TTLL8: variants seen among roughly 807,000 people sequenced by gnomAD.
TTLL8 encodes tubulin tyrosine ligase like 8, also known as protein monoglycylase TTLL8.
In TTLL8, 65 loss-of-function variants were observed where a neutral mutation model predicts 77.8. The observed-to-expected ratio is 0.84, with a 90% CI of 0.68 to 1.03. The LOEUF (loss-of-function observed/expected upper bound fraction) is 1.03, where lower values mean the gene tolerates loss of function less well. TTLL8 is among the 50% of genes least tolerant of loss of function. TTLL8 has a pLI of 0.00. For synonymous variants in TTLL8, 402 were observed against 422.8 expected, an observed-to-expected ratio of 0.95 and a Z score of 0.60; for missense variants, 910 against 1,004.5, an observed-to-expected ratio of 0.91 and a Z score of 1.27.
At chr22:50,052,223 G>C (rs2061447818) in intron 1 of TTLL8, among the ~76,000 whole-genome samples, 1 of 152,186 alleles carries the variant, frequency 6.6e-6, no homozygotes, top group Admixed American at 6.5e-5. Context: ...GGAGAACGGT[G>C]GGGGAGCTGG....
chr22:50,019,688 G>A (rs774053251), intron 12 of TTLL8, among the ~76,000 whole-genome samples: 2 of 152,192 alleles, frequency 1.3e-5, no homozygotes, highest in Non-Finnish European at 2.9e-5. Flanking sequence ...CCGGGACTGA[G>A]CTTCAGAAGC....
At chr22:50,031,924 G>A in exon 11 of TTLL8, 1 of 1,367,014 alleles carries the variant, frequency 7.3e-7, no homozygotes, top group Non-Finnish European at 9.8e-7. Context: ...CACCTTCATG[G>A]CGTGGGCGAT....
intron 9 of TTLL8, among the ~76,000 whole-genome samples, chr22:50,033,773 G>C (rs1244251453): frequency 6.6e-6 from 1 of 152,222 alleles, no homozygotes; most frequent in East Asian, 1.9e-4. Context: ...GGTGGCTTAT[G>C]CCTGTAATCC....
At chr22:50,027,897 G>A (rs566873394) in intron 12 of TTLL8, among the ~76,000 whole-genome samples, 53 of 152,382 alleles carry the variant, frequency 3.5e-4, no homozygotes, top group Non-Finnish European at 8.8e-5. Flanking sequence ...TCGTACGCAC[G>A]GGTTGGAGTT....
At chr22:50,025,123 G>A (rs2061224003) in intron 12 of TTLL8, among the ~76,000 whole-genome samples, 1 of 152,086 alleles carries the variant, frequency 6.6e-6, no homozygotes, top group South Asian at 2.1e-4. Flanking sequence ...AGGAATCACA[G>A]AAGAGCATTT....
chr22:50,022,949 G>A (rs948582415), intron 12 of TTLL8, among the ~76,000 whole-genome samples: 2 of 152,070 alleles, frequency 1.3e-5, no homozygotes, highest in Non-Finnish European at 2.9e-5. Flanking sequence ...CCAGAACCAA[G>A]AGGTGAATTT....
chr22:50,028,553 A>C (rs561363612), intron 12 of TTLL8, among the ~76,000 whole-genome samples: 1 of 152,128 alleles, frequency 6.6e-6, no homozygotes, highest in Admixed American at 6.5e-5. Flanking sequence ...GGGAGGCGGC[A>C]ACACCTGCGT....
intron 12 of TTLL8, 153 bp downstream of exon 13, chr22:50,030,277 T>G: frequency 8.1e-6 from 8 of 982,082 alleles, no homozygotes; most frequent in Non-Finnish European, 9.6e-6. Flanking sequence ...GCTCCCCGGC[T>G]CCCGCCGGCG....
intron 8 of TTLL8, among the ~76,000 whole-genome samples, chr22:50,035,119 G>C (rs1158795149): frequency 6.6e-6 from 1 of 152,190 alleles, no homozygotes; most frequent in Non-Finnish European, 1.5e-5. Context: ...GGATGGATTG[G>C]GGGGAAGCCA....
rs770203837 is a variant in TTLL8 at position 50,032,120 on chromosome 22, G to T, written c.1284-11C>A. On this transcript the variant is annotated splice_polypyrimidine_tract_variant and intron_variant, in intron 10 of 13. Transcript: ENST00000266182. ...CACAGGTGGATGGCGCTGCAGGGGG[G>T]ACGAGGGGCAGGTGCTCAGCCTCCC... The T allele has an allele frequency of 1.5e-6, 2 of 1,346,998 alleles. No individual in the cohort carries two copies. The highest frequency in any genetic ancestry group is 2.0e-6 in the Non-Finnish European group (2 of 1,010,588). 83.4% of individuals were successfully genotyped at this position (1,346,998 alleles called of 1,614,324 possible). A position where few individuals can be genotyped will look rare whatever the true frequency, so the allele number is the denominator to read the frequency against.
At chr22:50,021,870 T>C (rs184714443) in intron 12 of TTLL8, among the ~76,000 whole-genome samples, 1,702 of 137,078 alleles carry the variant, frequency 0.012, 45 homozygotes, top group South Asian at 0.019. Context: ...CTCCATCTGA[T>C]GACATGCACT....
intron 3 of TTLL8, among the ~76,000 whole-genome samples, chr22:50,048,439 C>G (rs890517575): frequency 1.3e-5 from 2 of 152,062 alleles, no homozygotes; most frequent in Non-Finnish European, 2.9e-5. Flanking sequence ...TGGGTGAGGA[C>G]GCAGAGAGAA....
intron 1 of TTLL8, among the ~76,000 whole-genome samples, chr22:50,052,593 C>A (rs1181658762): frequency 5.3e-5 from 8 of 152,110 alleles, no homozygotes; most frequent in Admixed American, 5.2e-4. Context: ...CCATCAAACA[C>A]ATAGGTATAC....
rs762624141 is a variant in TTLL8, at chr22:50,041,626, G to A, written c.825C>T (p.Leu275=). 2.2e-6 allele frequency: 3 copies of A among 1,356,134 alleles called. No individual in the cohort carries two copies. The highest frequency in any genetic ancestry group is 1.1e-5 in the South Asian group (1 of 87,368). The allele number at this position is 1,356,134 out of a possible 1,614,324, so 84.0% of individuals were successfully genotyped here. Residue 275 remains leucine (L), a synonymous_variant, in exon 7 of 14, where the codon CTC becomes CTT. Coordinates refer to ENST00000266182, the Ensembl canonical transcript of TTLL8. The surrounding 1 kb of genome is among the most constrained non-coding windows in gnomAD (Gnocchi z 4.3). The stretch of plus-strand genomic sequence containing the variant: ...GGGGCCTGCGTAAGTCTTACTGAAC[G>A]AGGGAGTAGTACTGCTGGGTCAGGT...
chr22:50,034,869 G>T lies in TTLL8; in HGVS notation c.922-407C>A, dbSNP rs1158474034. Among the ~76,000 whole-genome samples, 3 of 152,336 alleles carry T rather than the reference G, an allele frequency of 2.0e-5. No individual in the cohort carries two copies. Among genetic ancestry groups the T allele is most frequent in the East Asian group, 3.9e-4 (2 of 5,182 alleles). On this transcript the variant is annotated intron_variant, in intron 8 of 13. Coordinates refer to ENST00000266182, the Ensembl canonical transcript of TTLL8. This position sits in a 1 kb window ranked among gnomAD's most constrained non-coding sequence, Gnocchi z 4.1. The stretch of plus-strand genomic sequence containing the variant: ...GCAGACGCAGCCATGCCCAGCTTCC[G>T]CCTGTGGTTGGTGGTGCCTGGGACC...
At chr22:50,037,480 G>A (rs962168706) in intron 8 of TTLL8, among the ~76,000 whole-genome samples, 29 of 152,212 alleles carry the variant, frequency 1.9e-4, no homozygotes, top group African/African-American at 5.5e-4. Flanking sequence ...GATTACAGGC[G>A]TGAGCCACCA....
chr22:50,045,429 AG>A, intron 5 of TTLL8, 40 bp from the exon 8 acceptor site: 1 of 1,356,312 alleles, frequency 7.4e-7, no homozygotes, highest in African/African-American at 1.5e-5. Flanking sequence ...TGTCCGAGCC[AG>A]GACTGGGGAC....
chr22:50,043,050 A>G (rs561047354), intron 6 of TTLL8, among the ~76,000 whole-genome samples: 7 of 152,264 alleles, frequency 4.6e-5, no homozygotes, highest in African/African-American at 1.4e-4. Context: ...TGTCGACAGA[A>G]ACGTTATTCA....
In TTLL8 at chr22:50,041,390, AT is replaced by A. The variant is rs2061369667; in HGVS notation, c.831-114del. ...CCCCAAGATCCAGACAGACACCCCA[AT>A]ACCCAACAAGTATCCCAGACATCCA... On this transcript the variant is annotated intron_variant, in intron 7 of 13. Coordinates refer to ENST00000266182, the Ensembl canonical transcript of TTLL8. The surrounding 1 kb of genome is among the most constrained non-coding windows in gnomAD (Gnocchi z 4.3). 15 of 898,120 alleles carry A rather than the reference AT, an allele frequency of 1.7e-5. No individual in the cohort carries two copies. The highest frequency in any genetic ancestry group is 2.2e-5 in the Non-Finnish European group (14 of 628,894). 55.6% of individuals were successfully genotyped at this position (898,120 alleles called of 1,614,324 possible). A position where few individuals can be genotyped will look rare whatever the true frequency, so the allele number is the denominator to read the frequency against.
Sources: gnomAD v4.1 joint callset for allele counts (sites outside exome capture counted in the v4.1 genomes callset) on GRCh38, gnomAD v4.1.1 for gene constraint, Gnocchi (gnomAD v3.1) non-coding constraint, MANE v1.5 for transcripts, NCBI Gene and HGNC (gene_info 2026-07-23, HGNC 2026-07-21) for gene names.